The following ADGRV1 variants were observed in gnomAD, a reference collection of about 807,000 sequenced individuals.
ADGRV1 encodes G-protein coupled receptor 98.
ADGRV1 carries 359 observed loss-of-function variants against 596.2 expected under a neutral mutation model. The observed-to-expected ratio is 0.60, with a 90% CI of 0.55 to 0.66. The LOEUF is 0.66. Among genes scored for constraint, ADGRV1 ranks in the 30% least tolerant of loss-of-function variants. The pLI is 0.00. For synonymous variants in ADGRV1, 2,681 were observed against 2,679.2 expected (o/e 1.00, Z -0.02); for missense variants, 7,274 against 7,575.6 (o/e 0.96, Z 1.48).
intron 72 of ADGRV1, 33 bp downstream of exon 72, chr5:90,805,491 A>G (rs1163352226): frequency 4.6e-6 from 7 of 1,513,266 alleles, no homozygotes; most frequent in South Asian, 1.3e-5. Context: ...TGAGTCCTGT[A>G]GAATATTGGA....
intron 54 of ADGRV1, 116 bp downstream of exon 54, chr5:90,753,945 G>A (rs143489590): frequency 3.0e-6 from 3 of 1,013,156 alleles, no homozygotes; most frequent in East Asian, 2.7e-5. Context: ...CAGTTTGGCA[G>A]GTCATACTCA....
At chr5:90,798,958 A>C (rs758402623) in intron 70 of ADGRV1, among the ~76,000 whole-genome samples, 1 of 152,198 alleles carries the variant, frequency 6.6e-6, no homozygotes, top group Non-Finnish European at 1.5e-5. Context: ...TGACAAACCC[A>C]CAACCAATAT....
At chr5:90,798,040 C>G (rs2150167024) in intron 70 of ADGRV1, among the ~76,000 whole-genome samples, 1 of 152,090 alleles carries the variant, frequency 6.6e-6, no homozygotes, top group Admixed American at 6.5e-5. Flanking sequence ...AGAGCAAATT[C>G]AAAAGCTAGC....
At chr5:90,594,940 C>G (rs1760069032) in intron 1 of ADGRV1, among the ~76,000 whole-genome samples, 1 of 147,996 alleles carries the variant, frequency 6.8e-6, no homozygotes, top group African/African-American at 2.6e-5. Flanking sequence ...CACCTTTCCC[C>G]CCTTTCTATT....
chr5:91,046,246 C>G (rs779810022), intron 85 of ADGRV1, among the ~76,000 whole-genome samples: 5 of 152,114 alleles, frequency 3.3e-5, no homozygotes, highest in South Asian at 4.1e-4. Context: ...CTGGAGGCAT[C>G]ACATTACCTG....
chr5:90,946,450 A>AT (rs909572902), intron 83 of ADGRV1, among the ~76,000 whole-genome samples: 26 of 151,588 alleles, frequency 1.7e-4, no homozygotes, highest in South Asian at 2.1e-4. Context: ...TATTGGTTGG[A>AT]TTTTTTTTTA....
intron 85 of ADGRV1, among the ~76,000 whole-genome samples, chr5:91,001,914 T>C (rs1257894933): frequency 6.6e-6 from 1 of 152,234 alleles, no homozygotes; most frequent in Non-Finnish European, 1.5e-5. Flanking sequence ...AATTGCAAGC[T>C]GTGTTTATTT....
chr5:90,935,375 G>T (rs796081117), intron 83 of ADGRV1, among the ~76,000 whole-genome samples: 9 of 152,148 alleles, frequency 5.9e-5, no homozygotes, highest in African/African-American at 2.2e-4. Context: ...GCTGCTAATG[G>T]CCAGGGGTGA....
intron 86 of ADGRV1, among the ~76,000 whole-genome samples, chr5:91,079,630 A>T (rs1789163285): frequency 6.6e-6 from 1 of 152,188 alleles, no homozygotes; most frequent in African/African-American, 2.4e-5. Context: ...ATTTCTGTTG[A>T]AACACCCCTG....
intron 85 of ADGRV1, among the ~76,000 whole-genome samples, chr5:91,060,810 TAA>T (rs1491341395): frequency 6.7e-6 from 1 of 148,712 alleles, no homozygotes; most frequent in Non-Finnish European, 1.5e-5. Context: ...AACTATCACA[TAA>T]AGCCACATAT....
intron 15 of ADGRV1, among the ~76,000 whole-genome samples, chr5:90,645,434 A>G (rs548442204): frequency 6.6e-6 from 1 of 152,186 alleles, no homozygotes; most frequent in East Asian, 1.9e-4. Flanking sequence ...TGACGTGAAA[A>G]AGAAACAGCG....
chr5:91,086,084 G>A (rs1158587753), intron 86 of ADGRV1, among the ~76,000 whole-genome samples: 1 of 152,136 alleles, frequency 6.6e-6, no homozygotes, highest in African/African-American at 2.4e-5. Flanking sequence ...TGGTTTTCAC[G>A]ACACCCTATT....
chr5:91,019,401 A>G (rs1407674285), intron 85 of ADGRV1, among the ~76,000 whole-genome samples: 1 of 151,988 alleles, frequency 6.6e-6, no homozygotes, highest in Non-Finnish European at 1.5e-5. Flanking sequence ...ATGGATGATC[A>G]TTTTAGCCAG....
intron 71 of ADGRV1, among the ~76,000 whole-genome samples, chr5:90,804,251 A>C (rs1381626367): frequency 6.6e-6 from 1 of 152,096 alleles, no homozygotes; most frequent in Non-Finnish European, 1.5e-5. Context: ...AAAAATAGAA[A>C]ATTAGCTGCA....
At chr5:91,010,420 T>C (rs1371864719) in intron 85 of ADGRV1, among the ~76,000 whole-genome samples, 1 of 152,104 alleles carries the variant, frequency 6.6e-6, no homozygotes, top group East Asian at 1.9e-4. Context: ...GGACTTTTCA[T>C]TGACTTTTGT....
intron 71 of ADGRV1, among the ~76,000 whole-genome samples, chr5:90,803,879 C>T (rs902816315): frequency 2.0e-5 from 3 of 152,068 alleles, no homozygotes; most frequent in African/African-American, 4.8e-5. Context: ...ACATTTCCTA[C>T]TCCTTATCCA....
chr5:90,712,199 C>T (rs1749452801), intron 41 of ADGRV1, 88 bp from the exon 42 acceptor site: 2 of 749,298 alleles, frequency 2.7e-6, no homozygotes, highest in Non-Finnish European at 4.0e-6. Context: ...TTTACATTCA[C>T]AACTATATTG....
At chr5:90,852,367 A>G (rs1256251587) in intron 79 of ADGRV1, among the ~76,000 whole-genome samples, 1 of 152,196 alleles carries the variant, frequency 6.6e-6, no homozygotes, top group East Asian at 1.9e-4. Flanking sequence ...CATACTCTAC[A>G]TCTATTGTGA....
chr5:90,847,940 G>A (rs1049889858), intron 78 of ADGRV1, among the ~76,000 whole-genome samples: 8 of 152,184 alleles, frequency 5.3e-5, no homozygotes, highest in East Asian at 1.9e-4. Flanking sequence ...CTCCTCAAGC[G>A]CGGCCAGAGT....
Sources: allele counts gnomAD v4.1 joint callset (sites outside exome capture counted in the v4.1 genomes callset), GRCh38; gene constraint gnomAD v4.1.1; transcripts MANE v1.5; gene names NCBI Gene and HGNC (gene_info 2026-07-23, HGNC 2026-07-21).